Variants in GABRG1 observed in about 807,000 individuals in gnomAD.
GABRG1 encodes gamma-aminobutyric acid receptor subunit gamma-1.
In GABRG1, 49 loss-of-function variants were observed where a neutral mutation model predicts 49.8. The ratio of observed to expected loss-of-function variants is 0.98; its 90% CI spans 0.78 to 1.25. The LOEUF is 1.25. GABRG1 is among the 50% of genes most tolerant of loss of function. GABRG1 has a pLI of 0.00. For missense variants in GABRG1, 552 were observed against 552.3 expected, an observed-to-expected ratio of 1.00 and a Z score of 0.01; for synonymous variants, 232 against 185.1, an observed-to-expected ratio of 1.25 and a Z score of -2.06.
intron 7 of GABRG1, among the ~76,000 whole-genome samples, chr4:46,052,805 G>C (rs1371520413): frequency 6.6e-6 from 1 of 151,858 alleles, no homozygotes; most frequent in East Asian, 1.9e-4. Context: ...AAAAACAGCT[G>C]TAGCAACAGT....
At chr4:46,112,647 TA>T (rs926880242) in intron 1 of GABRG1, among the ~76,000 whole-genome samples, 2 of 150,930 alleles carry the variant, frequency 1.3e-5, no homozygotes, top group African/African-American at 4.9e-5. Flanking sequence ...TACATAGCCA[TA>T]AAAAAGCCAT....
intron 2 of GABRG1, among the ~76,000 whole-genome samples, chr4:46,087,074 G>C (rs539653614): frequency 2.0e-5 from 3 of 151,466 alleles, no homozygotes; most frequent in Non-Finnish European, 3.0e-5. Context: ...AGATATGAGC[G>C]TATAATTTTT....
intron 2 of GABRG1, among the ~76,000 whole-genome samples, chr4:46,094,807 A>G (rs1341452266): frequency 6.6e-6 from 1 of 151,934 alleles, no homozygotes; most frequent in Non-Finnish European, 1.5e-5. Context: ...AAAATACATC[A>G]ATAAGCTAAG....
intron 3 of GABRG1, among the ~76,000 whole-genome samples, chr4:46,078,326 C>G (rs796538647): frequency 1.2e-4 from 18 of 152,120 alleles, no homozygotes; most frequent in African/African-American, 4.3e-4. Context: ...TTTCAAAATT[C>G]TTCAAGCTAA....
chr4:46,119,266 CTCTCT>C (rs1394611604), intron 1 of GABRG1, among the ~76,000 whole-genome samples: 14 of 151,074 alleles, frequency 9.3e-5, no homozygotes, highest in Admixed American at 9.3e-4. Context: ...ACTGTAGTAT[CTCTCT>C]TCTCTTCTCC....
intron 1 of GABRG1, among the ~76,000 whole-genome samples, chr4:46,104,726 C>T (rs1480575068): frequency 6.6e-6 from 1 of 151,416 alleles, no homozygotes; most frequent in East Asian, 2.0e-4. Flanking sequence ...TATTAAACTT[C>T]ATTTGACAAA....
At position 46,114,692 on chromosome 4, in the gene GABRG1, T is replaced by G. The variant is rs1461765701; in HGVS notation, c.104+9118A>C. On this transcript the variant is annotated intron_variant, in intron 1 of 8. Coordinates refer to ENST00000295452, the MANE Select transcript of GABRG1 (RefSeq NM_173536.4). Reference sequence around the variant, plus strand: ...AAAATTTAAATCCTATTGTGCTATTTTCAGATAAAATTACCATGAATCAAG... The same window carrying G: ...AAAATTTAAATCCTATTGTGCTATTGTCAGATAAAATTACCATGAATCAAG... 2.6e-5 allele frequency among the ~76,000 whole-genome samples: 4 copies of G among 151,034 alleles called. No individual in the cohort carries two copies. In the East Asian group the frequency reaches 7.8e-4, roughly 29 times the overall value.
At chr4:46,045,281 G>A (rs1264707230) in intron 8 of GABRG1, among the ~76,000 whole-genome samples, 1 of 151,910 alleles carries the variant, frequency 6.6e-6, no homozygotes. Context: ...AATTCATAAA[G>A]TTATTGTAAA....
intron 8 of GABRG1, among the ~76,000 whole-genome samples, chr4:46,047,394 T>C (rs1718048099): frequency 6.6e-6 from 1 of 152,112 alleles, no homozygotes; most frequent in Admixed American, 6.6e-5. Flanking sequence ...CCACACTTTC[T>C]CTGGAATTTT....
chr4:46,112,030 C>A (rs567207932), intron 1 of GABRG1, among the ~76,000 whole-genome samples: 2 of 151,194 alleles, frequency 1.3e-5, no homozygotes, highest in East Asian at 3.9e-4. Flanking sequence ...AGAGCAAAAA[C>A]AACTGTCAAG....
At chr4:46,123,748 A>C in intron 1 of GABRG1, 62 bp downstream of exon 1, 2 of 1,161,310 alleles carry the variant, frequency 1.7e-6, no homozygotes, top group Non-Finnish European at 2.5e-6. Flanking sequence ...TTTAAAAGAA[A>C]GGGGAATAAG....
chr4:46,058,529 A>C lies in GABRG1; in HGVS notation c.719T>G (p.Phe240Cys). The C allele has an allele frequency of 6.2e-7, 1 of 1,613,414 alleles. No homozygotes were observed. The highest frequency in any genetic ancestry group is 8.5e-7 in the Non-Finnish European group (1 of 1,179,632). The part of the protein sequence containing the change: ...PKYWRLYQFA[F>C]VGLRNSTEIT... ...TTCAGTTGAGTTCCGTAACCCTACAAATGCAAACTGATATAATCTCCAGTA... is the reference window on the plus strand; with the variant it reads ...TTCAGTTGAGTTCCGTAACCCTACACATGCAAACTGATATAATCTCCAGTA... The change falls in exon 6 of 9, where the codon TTT becomes TGT. Residue 240 changes from phenylalanine to cysteine, a missense_variant. Physicochemically the swap from Phe to Cys is radical, Grantham distance 205 (BLOSUM62 -2). Transcript: ENST00000295452.
At chr4:46,063,402 A>G (rs1718788149) in intron 5 of GABRG1, among the ~76,000 whole-genome samples, 2 of 152,172 alleles carry the variant, frequency 1.3e-5, no homozygotes, top group African/African-American at 4.8e-5. Context: ...AAAGCTGAGA[A>G]AAACAAGCAA....
chr4:46,046,306 G>A (rs1219352422), intron 8 of GABRG1, among the ~76,000 whole-genome samples: 1 of 152,050 alleles, frequency 6.6e-6, no homozygotes. Context: ...AGCCAAGGTA[G>A]AAAAAAGAGC....
At chr4:46,072,829 G>A (rs1256391259) in intron 3 of GABRG1, among the ~76,000 whole-genome samples, 1 of 149,444 alleles carries the variant, frequency 6.7e-6, no homozygotes, top group African/African-American at 2.6e-5. Context: ...AGATATAATA[G>A]AAGTGTGTTT....
chr4:46,100,858 T>A (rs1720357108), intron 1 of GABRG1, among the ~76,000 whole-genome samples: 1 of 151,370 alleles, frequency 6.6e-6, no homozygotes, highest in Non-Finnish European at 1.5e-5. Context: ...ACTATAAAGT[T>A]ATCTTTCCTC....
At chr4:46,063,087 T>A (rs536123179) in intron 5 of GABRG1, among the ~76,000 whole-genome samples, 11 of 151,104 alleles carry the variant, frequency 7.3e-5, no homozygotes, top group Non-Finnish European at 1.3e-4. Flanking sequence ...AAAATGGCCA[T>A]CCTGCCCAAG....
At chr4:46,105,733 C>G (rs1255510498) in intron 1 of GABRG1, among the ~76,000 whole-genome samples, 1 of 140,848 alleles carries the variant, frequency 7.1e-6, no homozygotes, top group Non-Finnish European at 1.5e-5. Flanking sequence ...AAATTACTTA[C>G]CTGTATAGAT....
intron 8 of GABRG1, among the ~76,000 whole-genome samples, chr4:46,044,637 A>G (rs1056814810): frequency 6.6e-6 from 1 of 152,148 alleles, no homozygotes; most frequent in Non-Finnish European, 1.5e-5. Context: ...AGAAAGGCTC[A>G]GTAAATGGAA....
Sources: allele counts gnomAD v4.1 joint callset (sites outside exome capture counted in the v4.1 genomes callset), GRCh38; gene constraint gnomAD v4.1.1; transcripts MANE v1.5; gene names NCBI Gene and HGNC (gene_info 2026-07-23, HGNC 2026-07-21).